Variants in BIRC6 observed in about 807,000 individuals in gnomAD.
The protein encoded by BIRC6 is dual E2 ubiquitin-conjugating enzyme/E3 ubiquitin-protein ligase BIRC6.
A neutral mutation model predicts 503.3 loss-of-function variants in BIRC6; 98 were observed. The observed-to-expected ratio is 0.19, with a 90% CI of 0.17 to 0.23. BIRC6 has a LOEUF of 0.23. BIRC6 is among the 10% of genes least tolerant of loss of function. The pLI is 1.00. For missense variants in BIRC6, 5,360 were observed against 5,806.0 expected, an observed-to-expected ratio of 0.92 and a Z score of 2.50; for synonymous variants, 2,240 against 2,078.7, an observed-to-expected ratio of 1.08 and a Z score of -2.11.
chr2:32,417,402 C>T (rs2042491350), intron 10 of BIRC6, among the ~76,000 whole-genome samples: 1 of 152,190 alleles, frequency 6.6e-6, no homozygotes, highest in African/African-American at 2.4e-5. Flanking sequence ...CCCCGGCCTC[C>T]CAAAGTGCTG....
At chr2:32,440,201 C>T (rs986301128) in intron 16 of BIRC6, among the ~76,000 whole-genome samples, 2 of 152,144 alleles carry the variant, frequency 1.3e-5, no homozygotes, top group African/African-American at 2.4e-5. Flanking sequence ...GGCAAATTAC[C>T]TAGCTTTTGT....
rs1423826593 is a variant in BIRC6 at position 32,545,662 on chromosome 2, A to G, written c.12612A>G (p.Pro4204=). Residue 4204 remains proline, a synonymous_variant, in exon 63 of 74, where the codon CCA becomes CCG. Coordinates refer to ENST00000421745, the MANE Select transcript of BIRC6 (RefSeq NM_016252.4). ...DGEGSHILQS[P]SANVLPTLPF... Reference sequence around the variant, plus strand: ...ATCTAGGTCATATTCTTCAATCTCCATCAGCCAATGTGCTTCCAACCCTTC... The same window carrying G: ...ATCTAGGTCATATTCTTCAATCTCCGTCAGCCAATGTGCTTCCAACCCTTC... The G allele has an allele frequency of 2.5e-6, 4 of 1,613,620 alleles. No individual in the cohort carries two copies. The highest frequency in any genetic ancestry group is 3.4e-6 in the Non-Finnish European group (4 of 1,179,614).
At chr2:32,541,060 T>G (rs2150228412) in intron 61 of BIRC6, among the ~76,000 whole-genome samples, 1 of 152,192 alleles carries the variant, frequency 6.6e-6, no homozygotes. Context: ...TCTTTTTGCT[T>G]TCATTGTATT....
Position 32,461,078 on chromosome 2 carries a change from C to CTCTTCTCTTCTGT in BIRC6, c.4754-2113_4754-2112insTCTCTTCTGTTCT, listed in dbSNP as rs1558790156. ...TTCTCTTCTCTTCTGTTCTCCTCTCCTCTCCTCTCCTCTCCTCTCCTCTCC... is the reference window on the plus strand; with the variant it reads ...TTCTCTTCTCTTCTGTTCTCCTCTCCTCTTCTCTTCTGTTCTCCTCTCCTCTCCTCTCCTCTCC... On this transcript the variant is annotated intron_variant, in intron 23 of 73. Transcript: ENST00000421745. 9.7e-4 allele frequency among the ~76,000 whole-genome samples: 4 copies of CTCTTCTCTTCTGT among 4,144 alleles called. 2 individuals carry two copies. The highest frequency in any genetic ancestry group is 2.1e-3 in the Non-Finnish European group (4 of 1,896). The allele number at this position is 4,144 out of a possible 152,430, so 2.7% of individuals were successfully genotyped here.
In BIRC6 at chr2:32,599,905, A is replaced by T. The variant is rs763956086; in HGVS notation, c.13992+5A>T. ...AACCTTTATAATGATGGCAAGGTAA[A>T]TTAATTGCAATTTTTTGTTTCAAAT... On this transcript the variant is annotated splice_donor_5th_base_variant and intron_variant, in intron 70 of 73. Coordinates refer to ENST00000421745, the MANE Select transcript of BIRC6 (RefSeq NM_016252.4). The T allele has an allele frequency of 6.2e-7, 1 of 1,608,610 alleles. No individual in the cohort carries two copies. The highest frequency in any genetic ancestry group is 2.2e-5 in the East Asian group (1 of 44,806).
chr2:32,488,518 T>TC, intron 41 of BIRC6, 70 bp from the exon 42 acceptor site: 1 of 1,283,592 alleles, frequency 7.8e-7, no homozygotes, highest in Non-Finnish European at 1.1e-6. Context: ...AAACATAAGA[T>TC]TTTTGTTTAA....
At chr2:32,403,277 G>A (rs921594425) in intron 8 of BIRC6, among the ~76,000 whole-genome samples, 3 of 152,026 alleles carry the variant, frequency 2.0e-5, no homozygotes, top group South Asian at 4.1e-4. Context: ...CAATATGTTT[G>A]GTTATAAAAT....
Position 32,464,816 on chromosome 2 carries a change from C to G in BIRC6, c.5249C>G (p.Ser1750Cys), listed in dbSNP as rs1001102351. The change falls in exon 25 of 74, where the codon TCC (serine) becomes TGC (cysteine). Residue 1750 changes from serine (S) to cysteine (C), a missense_variant. Physicochemically the swap from Ser to Cys is moderately radical, Grantham distance 112. Around this residue, in one of 16 missense-constraint regions of BIRC6, gnomAD observed 2,299 missense variants for 2,267.2 expected, o/e 1.01. Coordinates refer to ENST00000421745, the MANE Select transcript of BIRC6 (RefSeq NM_016252.4). The part of the protein sequence containing the change: ...LAAHNKNSNK[S>C]RMNPLGSGLA... ...GCACATAACAAAAATTCCAACAAGT[C>G]CAGAATGGTAAATTATGTTTTAAAT... 1 of 1,603,842 alleles carries G rather than the reference C, an allele frequency of 6.2e-7. No homozygotes were observed.
chr2:32,501,975 A>G (rs2053246839), intron 47 of BIRC6, 87 bp downstream of exon 47: 3 of 1,199,128 alleles, frequency 2.5e-6, no homozygotes, highest in Non-Finnish European at 3.5e-6. Context: ...ATAAATAAGT[A>G]TATTTATTAT....
In BIRC6 at chr2:32,437,535, A is replaced by T. The variant is rs370723861; in HGVS notation, c.3631+1351A>T. Among the ~76,000 whole-genome samples, 10 of 152,346 alleles carry T rather than the reference A, an allele frequency of 6.6e-5. No individual in the cohort carries two copies. The East Asian group carries it at 1.5e-3, about 24-fold the overall frequency. ...CATTCACACATAACCATTTAATTGCAGACATAGTACAGGTCAAGTATCCCT... is the reference window on the plus strand; with the variant it reads ...CATTCACACATAACCATTTAATTGCTGACATAGTACAGGTCAAGTATCCCT... On this transcript the variant is annotated intron_variant, in intron 15 of 73. Transcript: ENST00000421745.
At chr2:32,527,615 T>C (rs1235912668) in intron 59 of BIRC6, 1 of 152,368 alleles carries the variant, frequency 6.6e-6, no homozygotes, top group East Asian at 1.9e-4. Context: ...TGCAACTGTG[T>C]TTAGTGATAA....
At chr2:32,502,120 G>T (rs2053263193) in intron 47 of BIRC6, among the ~76,000 whole-genome samples, 1 of 152,118 alleles carries the variant, frequency 6.6e-6, no homozygotes, top group African/African-American at 2.4e-5. Flanking sequence ...ATGTGTTCCT[G>T]AGTTTTAGAT....
chr2:32,573,058 A>G (rs1453544312), intron 65 of BIRC6, among the ~76,000 whole-genome samples: 1 of 152,238 alleles, frequency 6.6e-6, no homozygotes, highest in Non-Finnish European at 1.5e-5. Flanking sequence ...TCTATATAGC[A>G]TTCAGAATAC....
In BIRC6 at chr2:32,515,765, G is replaced by C; in HGVS notation, c.11344G>C (p.Ala3782Pro). The change falls in exon 55 of 74, where the codon GCA becomes CCA. Residue 3782 changes from alanine (A) to proline (P), a missense_variant. Physicochemically the swap from Ala to Pro is conservative, Grantham distance 27 (BLOSUM62 -1). Coordinates refer to ENST00000421745, the MANE Select transcript of BIRC6 (RefSeq NM_016252.4). ...CCATCCTAATAATCAAAAGCTGATG[G>C]CACAGGTAAGACAAAAAAATAACTT... ...SCHPNNQKLM[A>P]QVLCELFQTS... 1 of 1,594,032 alleles carries C rather than the reference G, an allele frequency of 6.3e-7. No homozygotes were observed. Among genetic ancestry groups the C allele is most frequent in the Non-Finnish European group, 8.5e-7 (1 of 1,176,820 alleles).
intron 1 of BIRC6, among the ~76,000 whole-genome samples, chr2:32,359,512 A>C (rs1222418921): frequency 6.6e-6 from 1 of 152,152 alleles, no homozygotes; most frequent in Non-Finnish European, 1.5e-5. Flanking sequence ...TGTAGCATTG[A>C]TTTGGGATAA....
chr2:32,518,209 C>T lies in BIRC6; in HGVS notation c.11350-45C>T. On this transcript the variant is annotated intron_variant, in intron 55 of 73. Coordinates refer to ENST00000421745, the MANE Select transcript of BIRC6 (RefSeq NM_016252.4). ...TTTTATCTTTCAAAATAAAAAGCTGCATATAAATCTTGCATTTAACTTTTT... is the reference window on the plus strand; with the variant it reads ...TTTTATCTTTCAAAATAAAAAGCTGTATATAAATCTTGCATTTAACTTTTT... 1.3e-6 allele frequency: 2 copies of T among 1,533,620 alleles called. 1 individual carries two copies. Among genetic ancestry groups the T allele is most frequent in the South Asian group, 2.4e-5 (2 of 84,876 alleles).
At chr2:32,496,720 A>G (rs536413840) in intron 45 of BIRC6, among the ~76,000 whole-genome samples, 1 of 152,184 alleles carries the variant, frequency 6.6e-6, no homozygotes, top group African/African-American at 2.4e-5. Context: ...CAATCAGCTT[A>G]TTGATTTTCC....
chr2:32,603,934 A>G (rs1200316938), intron 71 of BIRC6, among the ~76,000 whole-genome samples: 2 of 151,816 alleles, frequency 1.3e-5, no homozygotes, highest in Non-Finnish European at 2.9e-5. Context: ...ATTGATTTTT[A>G]ACTCAGATTC....
rs964843326 is a variant in BIRC6, at chr2:32,364,720, T to C, written c.325+7234T>C. 2.6e-5 allele frequency among the ~76,000 whole-genome samples: 4 copies of C among 152,092 alleles called. No homozygotes were observed. In the East Asian group the frequency reaches 7.7e-4, roughly 29 times the overall value. ...TGGTCATAAATAAGAGGAAGATCTT[T>C]GTACTTTACTGTAGCTTCAGTGAGG... On this transcript the variant is annotated intron_variant, in intron 1 of 73. Transcript: ENST00000421745.
Sources: allele counts gnomAD v4.1 joint callset (sites outside exome capture counted in the v4.1 genomes callset), GRCh38; gene constraint gnomAD v4.1.1; regional missense constraint gnomAD v4.1.1; transcripts MANE v1.5; gene names NCBI Gene and HGNC (gene_info 2026-07-23, HGNC 2026-07-21).